The following MARCHF1 variants were observed in gnomAD, a reference collection of about 807,000 sequenced individuals.
MARCHF1 encodes the protein membrane associated ring-CH-type finger 1.
A neutral mutation model predicts 54.2 loss-of-function variants in MARCHF1; 40 were observed. The ratio of observed to expected loss-of-function variants is 0.74; its 90% CI spans 0.57 to 0.96. MARCHF1 has a LOEUF of 0.96. Among genes scored for constraint, MARCHF1 ranks in the 40% least tolerant of loss-of-function variants. The pLI is 0.00. For missense variants in MARCHF1, 586 were observed against 656.5 expected (o/e 0.89, Z 1.17); for synonymous variants, 236 against 236.3 (o/e 1.00, Z 0.01).
intron 2 of MARCHF1, among the ~76,000 whole-genome samples, chr4:164,088,320 A>C (rs1411861233): frequency 6.6e-6 from 1 of 152,202 alleles, no homozygotes; most frequent in Non-Finnish European, 1.5e-5. Flanking sequence ...TTAGGTTGAG[A>C]AGCTTACATA....
intron 4 of MARCHF1, among the ~76,000 whole-genome samples, chr4:163,781,282 C>T (rs867821836): frequency 7.2e-5 from 11 of 152,206 alleles, no homozygotes; most frequent in African/African-American, 2.6e-4. Context: ...ACCTGGAAGG[C>T]GGAGGTTGTA....
At chr4:163,614,840 T>G (rs942606153) in intron 5 of MARCHF1, among the ~76,000 whole-genome samples, 1 of 151,898 alleles carries the variant, frequency 6.6e-6, no homozygotes, top group African/African-American at 2.4e-5. Context: ...AGGGAGGCAG[T>G]AGAGTTAGTC....
chr4:164,131,770 T>G (rs2110819741), intron 1 of MARCHF1, among the ~76,000 whole-genome samples: 1 of 152,208 alleles, frequency 6.6e-6, no homozygotes, highest in East Asian at 1.9e-4. Context: ...CCATATTAAT[T>G]AGTTTAACGC....
chr4:163,841,811 A>T (rs1365242525), intron 4 of MARCHF1, among the ~76,000 whole-genome samples: 1 of 152,116 alleles, frequency 6.6e-6, no homozygotes, highest in Non-Finnish European at 1.5e-5. Flanking sequence ...TTCATTTTTT[A>T]TCTTTAAAGA....
chr4:164,245,488 A>G (rs1451578182), intron 1 of MARCHF1, among the ~76,000 whole-genome samples: 1 of 152,046 alleles, frequency 6.6e-6, no homozygotes, highest in Non-Finnish European at 1.5e-5. Context: ...CCCACAGCCA[A>G]TATCATACTG....
chr4:164,321,694 C>G (rs934868076), intron 1 of MARCHF1, among the ~76,000 whole-genome samples: 1 of 152,030 alleles, frequency 6.6e-6, no homozygotes, highest in Non-Finnish European at 1.5e-5. Context: ...ATTTTGAGAA[C>G]ATGCAAAGAG....
At chr4:164,318,774 C>A (rs750686265) in intron 1 of MARCHF1, among the ~76,000 whole-genome samples, 2 of 152,058 alleles carry the variant, frequency 1.3e-5, no homozygotes, top group Admixed American at 1.3e-4. Context: ...CAACCCTGAC[C>A]TGGATTATGA....
intron 1 of MARCHF1, among the ~76,000 whole-genome samples, chr4:164,208,948 G>A (rs922497845): frequency 2.0e-5 from 3 of 151,356 alleles, no homozygotes; most frequent in Non-Finnish European, 4.4e-5. Context: ...CTGTTTCTCT[G>A]TCTCTGTCTG....
intron 2 of MARCHF1, among the ~76,000 whole-genome samples, chr4:164,013,237 A>G (rs1753462410): frequency 6.6e-6 from 1 of 152,230 alleles, no homozygotes; most frequent in African/African-American, 2.4e-5. Flanking sequence ...TCTGGAGCTT[A>G]GAAATACAAT....
chr4:163,759,793 C>T (rs1746779908), intron 4 of MARCHF1, among the ~76,000 whole-genome samples: 1 of 152,128 alleles, frequency 6.6e-6, no homozygotes, highest in Non-Finnish European at 1.5e-5. Flanking sequence ...AATATGGGAA[C>T]ATTTACCTTT....
intron 5 of MARCHF1, among the ~76,000 whole-genome samples, chr4:163,693,909 G>C (rs1744539889): frequency 6.6e-6 from 1 of 152,084 alleles, no homozygotes; most frequent in Non-Finnish European, 1.5e-5. Context: ...CCACACCCAG[G>C]TTTAACTTCA....
At chr4:164,018,717 A>G (rs544088107) in intron 2 of MARCHF1, among the ~76,000 whole-genome samples, 2 of 152,312 alleles carry the variant, frequency 1.3e-5, no homozygotes, top group South Asian at 4.1e-4. Context: ...TATAATTGAC[A>G]TAACTTCTTG....
intron 3 of MARCHF1, among the ~76,000 whole-genome samples, chr4:163,917,161 C>T (rs138345974): frequency 1.3e-5 from 2 of 152,266 alleles, no homozygotes; most frequent in African/African-American, 4.8e-5. Context: ...TCTTCCATGA[C>T]TTTTCATTGC....
At chr4:164,280,960 A>G (rs951506405) in intron 1 of MARCHF1, among the ~76,000 whole-genome samples, 4 of 152,168 alleles carry the variant, frequency 2.6e-5, no homozygotes, top group African/African-American at 9.7e-5. Context: ...ACAATACTTT[A>G]GGGAATGAAG....
intron 1 of MARCHF1, among the ~76,000 whole-genome samples, chr4:164,312,369 C>A (rs1336872426): frequency 1.5e-5 from 2 of 131,448 alleles, no homozygotes; most frequent in African/African-American, 5.7e-5. Flanking sequence ...ATCGCCCAGG[C>A]TGGAGGGCAG....
At position 164,206,920 on chromosome 4, in the gene MARCHF1, A is replaced by G. The variant is rs189528763; in HGVS notation, c.-322-95258T>C. ...AACCAAGTTTTAAATTATAATTAAC[A>G]AGTATGATAATACTAAAAAAATTGT... On this transcript the variant is annotated intron_variant, in intron 1 of 9. Coordinates refer to ENST00000514618, the MANE Select transcript of MARCHF1 (RefSeq NM_001394959.1). Among the ~76,000 whole-genome samples, 181 of 152,264 alleles carry G rather than the reference A, an allele frequency of 1.2e-3. 3 individuals carry two copies. Among genetic ancestry groups the G allele is most frequent in the Non-Finnish European group, 1.2e-3 (81 of 68,000 alleles).
At chr4:164,064,484 T>G (rs1161370225) in intron 2 of MARCHF1, among the ~76,000 whole-genome samples, 1 of 152,182 alleles carries the variant, frequency 6.6e-6, no homozygotes, top group Non-Finnish European at 1.5e-5. Context: ...TGCTAGTGAT[T>G]TTTGCATGTC....
intron 1 of MARCHF1, among the ~76,000 whole-genome samples, chr4:164,266,345 G>A (rs1357465806): frequency 6.6e-6 from 1 of 152,170 alleles, no homozygotes. Context: ...AGAGATATCT[G>A]ACATGAAATG....
rs376310557 is a variant in MARCHF1, at chr4:163,658,175, C to T, written c.162+42638G>A. 2.2e-3 allele frequency among the ~76,000 whole-genome samples: 328 copies of T among 151,692 alleles called. 1 individual carries two copies. Among genetic ancestry groups the T allele is most frequent in the African/African-American group, 7.4e-3 (308 of 41,356 alleles). On this transcript the variant is annotated intron_variant, in intron 5 of 9. Transcript: ENST00000514618. ...ATCTATCTGACAAAGGTCTAATAGCCGGAATCTACAAAGAACTTAAACAAA... is the reference window on the plus strand; with the variant it reads ...ATCTATCTGACAAAGGTCTAATAGCTGGAATCTACAAAGAACTTAAACAAA...
Sources: gnomAD v4.1 joint callset for allele counts (sites outside exome capture counted in the v4.1 genomes callset) on GRCh38, gnomAD v4.1.1 for gene constraint, MANE v1.5 for transcripts, NCBI Gene and HGNC (gene_info 2026-07-23, HGNC 2026-07-21) for gene names.